CAST: variants seen among roughly 807,000 people sequenced by gnomAD.
CAST encodes MIR583 host.
Under a neutral mutation model 119.6 loss-of-function variants are expected in CAST, and 76 were observed. That is an observed-to-expected ratio of 0.64 (90% CI 0.53 to 0.77). The LOEUF (loss-of-function observed/expected upper bound fraction) is 0.77, where lower values mean the gene tolerates loss of function less well. CAST is among the 30% of genes least tolerant of loss of function. The probability of loss-of-function intolerance (pLI) is 0.00; values close to 1 mark genes in which losing one functional copy is unlikely to be tolerated. For missense variants in CAST, 953 were observed against 946.5 expected (o/e 1.01, Z -0.09); for synonymous variants, 319 against 331.6 (o/e 0.96, Z 0.41).
At chr5:96,046,525 A>G in the CAST span, among the ~76,000 whole-genome samples, 1 of 152,194 alleles carries the variant, frequency 6.6e-6, no homozygotes, top group African/African-American at 2.4e-5. Flanking sequence ...CACTCCATGG[A>G]GGAAAGACAT....
rs529203741 is a variant in CAST, at chr5:96,670,622, G to A, written c.76-4917G>A. 1.3e-4 allele frequency among the ~76,000 whole-genome samples: 20 copies of A among 152,060 alleles called. No individual in the cohort carries two copies. The East Asian group carries it at 1.7e-3, about 13-fold the overall frequency. On this transcript the variant is annotated intron_variant, in intron 1 of 31. Transcript: ENST00000675179. ...AAGTAATTCTCCTGCCTCAGCCTCCGGAGTAGCTGGGACTACAGGTGTGCA... is the reference window on the plus strand; with the variant it reads ...AAGTAATTCTCCTGCCTCAGCCTCCAGAGTAGCTGGGACTACAGGTGTGCA...
the CAST span, among the ~76,000 whole-genome samples, chr5:95,999,531 A>G: frequency 1.3e-5 from 2 of 152,066 alleles, no homozygotes; most frequent in Admixed American, 1.3e-4. Flanking sequence ...TTTTGTAGGA[A>G]CAGGGTTTCG....
the CAST span, among the ~76,000 whole-genome samples, chr5:96,417,628 C>T: frequency 9.2e-5 from 14 of 152,144 alleles, no homozygotes; most frequent in Non-Finnish European, 1.3e-4. Context: ...AAACAGAGTG[C>T]TTGGTGTCCT....
intron 2 of CAST, among the ~76,000 whole-genome samples, chr5:96,689,279 T>C (rs1414479018): frequency 2.0e-5 from 3 of 152,208 alleles, no homozygotes; most frequent in Non-Finnish European, 4.4e-5. Flanking sequence ...CAAGTAGATA[T>C]ATTTAGGAGG....
At chr5:96,085,383 G>A in the CAST span, among the ~76,000 whole-genome samples, 13 of 152,166 alleles carry the variant, frequency 8.5e-5, no homozygotes, top group African/African-American at 3.1e-4. Context: ...CTCAGTGGAG[G>A]TGGCATTTGA....
At chr5:96,712,375 G>C (rs997258980) in intron 3 of CAST, among the ~76,000 whole-genome samples, 1 of 151,830 alleles carries the variant, frequency 6.6e-6, no homozygotes, top group Admixed American at 6.6e-5. Context: ...TCTGTCACTT[G>C]GGCTGGAGTG....
At chr5:96,393,053 C>T in the CAST span, 1 of 1,614,174 alleles carries the variant, frequency 6.2e-7, no homozygotes, top group Non-Finnish European at 8.5e-7. Context: ...CCGGTCGTCT[C>T]TGTGCTTGTA....
At chr5:96,674,366 C>T (rs969629359) in intron 1 of CAST, among the ~76,000 whole-genome samples, 28 of 150,976 alleles carry the variant, frequency 1.9e-4, no homozygotes, top group African/African-American at 6.3e-4. Context: ...TTTCACTGAC[C>T]TATATATCTA....
chr5:96,662,160 C>T, upstream of CAST: 1 of 399,634 alleles, frequency 2.5e-6, no homozygotes, highest in South Asian at 5.4e-5. Context: ...CGGGGCGGGT[C>T]ACCGGGTGAG....
chr5:96,737,433 A>AAC (rs774760788), intron 10 of CAST, among the ~76,000 whole-genome samples: 1 of 152,230 alleles, frequency 6.6e-6, no homozygotes, highest in Non-Finnish European at 1.5e-5. Flanking sequence ...AAAACTCTGG[A>AAC]AAAGTATTGA....
chr5:96,356,797 A>T, the CAST span, among the ~76,000 whole-genome samples: 1 of 152,176 alleles, frequency 6.6e-6, no homozygotes, highest in Admixed American at 6.5e-5. Context: ...TTTGCTTAGG[A>T]TTGTCTTGGC....
chr5:96,257,485 G>C, the CAST span, among the ~76,000 whole-genome samples: 1 of 152,180 alleles, frequency 6.6e-6, no homozygotes, highest in Non-Finnish European at 1.5e-5. Flanking sequence ...GATATCTTGG[G>C]ATGGAAAGGA....
chr5:96,469,717 T>C, the CAST span, among the ~76,000 whole-genome samples: 1 of 151,588 alleles, frequency 6.6e-6, no homozygotes, highest in East Asian at 1.9e-4. Context: ...AAATACTGTT[T>C]TCTAGTTGGA....
At chr5:96,126,273 C>A in the CAST span, among the ~76,000 whole-genome samples, 3 of 152,066 alleles carry the variant, frequency 2.0e-5, no homozygotes, top group African/African-American at 7.2e-5. Flanking sequence ...AAATGTATAG[C>A]TGCAATTTGT....
chr5:96,417,796 T>C, the CAST span, among the ~76,000 whole-genome samples: 4 of 152,206 alleles, frequency 2.6e-5, no homozygotes, highest in African/African-American at 9.6e-5. Context: ...CTGAGAAAAG[T>C]GCACACATCT....
At chr5:96,758,476 T>C (rs1278189960) in intron 24 of CAST, among the ~76,000 whole-genome samples, 3 of 152,186 alleles carry the variant, frequency 2.0e-5, no homozygotes, top group Non-Finnish European at 4.4e-5. Context: ...TCTTGTGGGG[T>C]CTGGTTTATC....
At chr5:96,447,779 A>G in the CAST span, among the ~76,000 whole-genome samples, 1 of 152,050 alleles carries the variant, frequency 6.6e-6, no homozygotes, top group African/African-American at 2.4e-5. Context: ...AAAATATATC[A>G]CATATATTTT....
the CAST span, among the ~76,000 whole-genome samples, chr5:96,178,940 G>A: frequency 6.6e-6 from 1 of 152,108 alleles, no homozygotes; most frequent in Non-Finnish European, 1.5e-5. Context: ...TCTCAATGAA[G>A]CCCCATCTTC....
At chr5:96,237,501 G>A in the CAST span, among the ~76,000 whole-genome samples, 23 of 152,164 alleles carry the variant, frequency 1.5e-4, no homozygotes, top group East Asian at 9.7e-4. Flanking sequence ...ATTATTAATC[G>A]TTTGAAAATC....
Sources: gnomAD v4.1 joint callset for allele counts (sites outside exome capture counted in the v4.1 genomes callset) on GRCh38, gnomAD v4.1.1 for gene constraint, MANE v1.5 for transcripts, NCBI Gene and HGNC (gene_info 2026-07-23, HGNC 2026-07-21) for gene names.